CPED1: variants seen among roughly 807,000 people sequenced by gnomAD.
The protein encoded by CPED1 is cadherin like and PC-esterase domain containing 1.
A neutral mutation model predicts 128.2 loss-of-function variants in CPED1; 114 were observed. That is an observed-to-expected ratio of 0.89 (90% CI 0.76 to 1.04). The LOEUF (loss-of-function observed/expected upper bound fraction) is 1.04. CPED1 is among the 50% of genes least tolerant of loss of function. CPED1 has a pLI of 0.00. For missense variants in CPED1, 1,211 were observed against 1,207.1 expected (o/e 1.00, Z -0.05); for synonymous variants, 462 against 426.7 (o/e 1.08, Z -1.02).
intron 16 of CPED1, among the ~76,000 whole-genome samples, chr7:121,168,153 T>C (rs1040886050): frequency 2.0e-5 from 3 of 152,202 alleles, no homozygotes; most frequent in Non-Finnish European, 2.9e-5. Flanking sequence ...AACGCTATCA[T>C]AGCGGGAGGC....
chr7:121,061,246 T>C (rs1415207568), intron 4 of CPED1: 2 of 906,006 alleles, frequency 2.2e-6, no homozygotes, highest in Non-Finnish European at 2.6e-6. Flanking sequence ...TATTCCCTTT[T>C]TCAAAAATTG....
At position 121,113,891 on chromosome 7, in the gene CPED1, C is replaced by T. The variant is rs566321663; in HGVS notation, c.919-10440C>T. ...TCGCCCAGGCTTGAGTGCAGTTGCA[C>T]GATCTCGGCTCACTGCAACCTCCAC... On this transcript the variant is annotated intron_variant, in intron 7 of 22. Coordinates refer to ENST00000310396, the MANE Select transcript of CPED1 (RefSeq NM_024913.5). 2.2e-4 allele frequency among the ~76,000 whole-genome samples: 33 copies of T among 152,144 alleles called. 1 individual carries two copies. The highest frequency in any genetic ancestry group is 6.7e-4 in the African/African-American group (28 of 41,494).
intron 16 of CPED1, among the ~76,000 whole-genome samples, chr7:121,145,055 T>C (rs1316072645): frequency 9.0e-6 from 1 of 111,620 alleles, no homozygotes; most frequent in African/African-American, 3.3e-5. Context: ...TATAGATAGA[T>C]ACAAATTTAA....
intron 18 of CPED1, among the ~76,000 whole-genome samples, chr7:121,265,268 C>T (rs1224349852): frequency 6.6e-6 from 1 of 152,080 alleles, no homozygotes; most frequent in Non-Finnish European, 1.5e-5. Flanking sequence ...AGTTAAAGTA[C>T]GTGGGTTTGA....
At chr7:121,027,138 GCT>G (rs1792613193) in intron 3 of CPED1, among the ~76,000 whole-genome samples, 1 of 151,714 alleles carries the variant, frequency 6.6e-6, no homozygotes, top group African/African-American at 2.4e-5. Context: ...ATCTCGCCTG[GCT>G]CTGTCATTTC....
chr7:121,076,773 T>G (rs2116115351), intron 5 of CPED1: 1 of 152,298 alleles, frequency 6.6e-6, no homozygotes, highest in Non-Finnish European at 1.5e-5. Flanking sequence ...CTGCTATTTC[T>G]TGCTGACTAT....
At chr7:121,266,831 G>T (rs778288403) in intron 20 of CPED1, 23 bp downstream of exon 20, 5 of 1,538,658 alleles carry the variant, frequency 3.2e-6, no homozygotes, top group Non-Finnish European at 4.5e-6. Flanking sequence ...AACAATAATT[G>T]TCATTAGTAT....
chr7:121,253,236 C>G (rs1197847964), intron 18 of CPED1, among the ~76,000 whole-genome samples: 1 of 146,056 alleles, frequency 6.8e-6, no homozygotes, highest in Admixed American at 7.2e-5. Context: ...ACCTCATGTT[C>G]TCACTCATAG....
chr7:121,270,235 G>T (rs942636379), intron 21 of CPED1, among the ~76,000 whole-genome samples: 1 of 151,788 alleles, frequency 6.6e-6, no homozygotes, highest in African/African-American at 2.4e-5. Flanking sequence ...CTTTTTAATG[G>T]GTTTGTTTTC....
chr7:121,047,019 AT>A (rs770517887), intron 4 of CPED1, 26 bp downstream of exon 4: 1 of 1,413,100 alleles, frequency 7.1e-7, no homozygotes, highest in Non-Finnish European at 1.0e-6. Context: ...ATGTGCACAG[AT>A]TTTATCAGCC....
intron 11 of CPED1, among the ~76,000 whole-genome samples, chr7:121,129,335 AC>A: frequency 8.0e-6 from 1 of 125,352 alleles, no homozygotes; most frequent in African/African-American, 3.0e-5. Flanking sequence ...ATATATATAT[AC>A]GTATATATAT....
At chr7:121,040,896 TG>T (rs1052863076) in intron 3 of CPED1, among the ~76,000 whole-genome samples, 88 of 152,142 alleles carry the variant, frequency 5.8e-4, no homozygotes, top group African/African-American at 1.8e-3. Context: ...CTCTTGGACA[TG>T]TTTTTTTCCA....
At chr7:121,067,348 A>G (rs1793860198) in intron 5 of CPED1, among the ~76,000 whole-genome samples, 1 of 151,708 alleles carries the variant, frequency 6.6e-6, no homozygotes, top group South Asian at 2.1e-4. Context: ...CCCACCTATG[A>G]GTGAGAACAT....
At chr7:121,150,810 C>T (rs1336127380) in intron 16 of CPED1, among the ~76,000 whole-genome samples, 1 of 151,674 alleles carries the variant, frequency 6.6e-6, no homozygotes, top group Admixed American at 6.6e-5. Flanking sequence ...GCTCTGTCAC[C>T]CAGGCTGGAG....
chr7:121,068,008 A>G (rs1793888694), intron 5 of CPED1, among the ~76,000 whole-genome samples: 1 of 151,978 alleles, frequency 6.6e-6, no homozygotes, highest in Admixed American at 6.6e-5. Context: ...TAGATTCTGG[A>G]TGTTAGCCTT....
intron 2 of CPED1, among the ~76,000 whole-genome samples, chr7:120,992,859 T>C (rs1161390851): frequency 6.6e-6 from 1 of 152,180 alleles, no homozygotes; most frequent in Non-Finnish European, 1.5e-5. Flanking sequence ...ACCAAATATT[T>C]GATGGTGGGT....
rs35159862 is a variant in CPED1 at position 121,044,648 on chromosome 7, C to CTTTTTTTTTTTTTTTTTTTTTTTT, written c.434-2238_434-2237insTTTTTTTTTTTTTTTTTTTTTTTT. 3.5e-3 allele frequency among the ~76,000 whole-genome samples: 240 copies of CTTTTTTTTTTTTTTTTTTTTTTTT among 69,472 alleles called. 96 individuals carry two copies. The highest frequency in any genetic ancestry group is 5.0e-3 in the South Asian group (8 of 1,616). The allele number at this position is 69,472 out of a possible 152,430, so 45.6% of individuals were successfully genotyped here. The stretch of plus-strand genomic sequence containing the variant: ...GATTGCTGAGAGCAGTGACTTTCTG[C>CTTTTTTTTTTTTTTTTTTTTTTTT]TCTTTTTTTTTTTTTTTTTTTGCTA... On this transcript the variant is annotated intron_variant, in intron 3 of 22. Transcript: ENST00000310396.
intron 21 of CPED1, among the ~76,000 whole-genome samples, chr7:121,268,605 G>C (rs1170627991): frequency 6.6e-6 from 1 of 151,876 alleles, no homozygotes; most frequent in Non-Finnish European, 1.5e-5. Context: ...TTTCTCCGTA[G>C]ACTTATCCCT....
At chr7:121,000,588 A>G (rs1463306504) in intron 2 of CPED1, among the ~76,000 whole-genome samples, 1 of 152,092 alleles carries the variant, frequency 6.6e-6, no homozygotes, top group Non-Finnish European at 1.5e-5. Context: ...TGGTGTCCCT[A>G]ACCTTTATCT....
Sources: gnomAD v4.1 joint callset for allele counts (sites outside exome capture counted in the v4.1 genomes callset) on GRCh38, gnomAD v4.1.1 for gene constraint, MANE v1.5 for transcripts, NCBI Gene and HGNC (gene_info 2026-07-23, HGNC 2026-07-21) for gene names.